Variants in ANKRD30BL observed in about 807,000 individuals in gnomAD.
ANKRD30BL encodes ankyrin repeat domain 30B like, also known as putative ankyrin repeat domain-containing protein 30B-like.
ANKRD30BL carries 20 observed loss-of-function variants against 18.4 expected under a neutral mutation model. The ratio of observed to expected loss-of-function variants is 1.09; its 90% CI spans 0.77 to 1.58. The LOEUF is 1.58. ANKRD30BL is among the 40% of genes most tolerant of loss of function. The probability of loss-of-function intolerance (pLI) is 0.00; values close to 1 mark genes in which losing one functional copy is unlikely to be tolerated. For missense variants in ANKRD30BL, 224 were observed against 268.6 expected, an observed-to-expected ratio of 0.83 and a Z score of 1.16; for synonymous variants, 72 against 100.9, an observed-to-expected ratio of 0.71 and a Z score of 1.72.
chr2:132,179,291 CTTT>C (rs61427674), intron 1 of ANKRD30BL, among the ~76,000 whole-genome samples: 3 of 138,832 alleles, frequency 2.2e-5, no homozygotes. Context: ...TTCTTTTTAT[CTTT>C]TTTTTTTTTT....
At chr2:132,222,832 TAAAAAAA>T (rs71001178) in intron 1 of ANKRD30BL, among the ~76,000 whole-genome samples, 12 of 52,810 alleles carry the variant, frequency 2.3e-4, no homozygotes, top group East Asian at 1.1e-3. Context: ...GAATGATCAA[TAAAAAAA>T]AAAAAAAAAA....
At chr2:132,158,372 T>C (rs1687968202) in intron 1 of ANKRD30BL, among the ~76,000 whole-genome samples, 1 of 152,070 alleles carries the variant, frequency 6.6e-6, no homozygotes, top group African/African-American at 2.4e-5. Flanking sequence ...AGAATGCATG[T>C]AAATTAGGTA....
intron 1 of ANKRD30BL, among the ~76,000 whole-genome samples, chr2:132,229,910 C>A (rs892817342): frequency 6.6e-6 from 1 of 151,986 alleles, no homozygotes; most frequent in African/African-American, 2.4e-5. Flanking sequence ...TTCGCAGTAT[C>A]TGCAAGTGGA....
intron 1 of ANKRD30BL, among the ~76,000 whole-genome samples, chr2:132,191,674 C>A (rs1237242451): frequency 3.3e-5 from 5 of 151,502 alleles, no homozygotes; most frequent in Non-Finnish European, 7.4e-5. Flanking sequence ...TGGTTATTGT[C>A]ATCTACTCAA....
chr2:132,250,747 T>G (rs1241899268), intron 1 of ANKRD30BL, among the ~76,000 whole-genome samples: 3 of 152,212 alleles, frequency 2.0e-5, no homozygotes, highest in Non-Finnish European at 2.9e-5. Flanking sequence ...ACTGAACTAC[T>G]TATGTTTCTG....
chr2:132,234,352 G>A (rs1680096172), intron 1 of ANKRD30BL, among the ~76,000 whole-genome samples: 2 of 152,090 alleles, frequency 1.3e-5, no homozygotes, highest in East Asian at 1.9e-4. Context: ...AGAACTGAAG[G>A]AAATAGAGAC....
chr2:132,178,858 A>T (rs1318024892), intron 1 of ANKRD30BL, among the ~76,000 whole-genome samples: 3 of 152,048 alleles, frequency 2.0e-5, no homozygotes, highest in Admixed American at 1.3e-4. Context: ...GATGGGAATC[A>T]GTGACTAATT....
At chr2:132,163,010 C>T (rs1436718844), upstream of ANKRD30BL, among the ~76,000 whole-genome samples, 2 of 152,220 alleles carry the variant, frequency 1.3e-5, no homozygotes, top group South Asian at 2.1e-4. Flanking sequence ...ATCCCTTCCT[C>T]GTTGACCAGC....
At chr2:132,181,142 T>C (rs564393346) in intron 1 of ANKRD30BL, among the ~76,000 whole-genome samples, 2 of 151,520 alleles carry the variant, frequency 1.3e-5, no homozygotes, top group South Asian at 4.2e-4. Context: ...AGACTCCGTC[T>C]CAAAAAAAGA....
At chr2:132,177,342 CAG>C (rs1258248538) in intron 1 of ANKRD30BL, among the ~76,000 whole-genome samples, 1 of 152,084 alleles carries the variant, frequency 6.6e-6, no homozygotes, top group Non-Finnish European at 1.5e-5. Context: ...TTAGTAGAGA[CAG>C]AGTTTCACCA....
chr2:132,202,561 C>A (rs1679129331), intron 1 of ANKRD30BL, among the ~76,000 whole-genome samples: 1 of 151,588 alleles, frequency 6.6e-6, no homozygotes, highest in African/African-American at 2.4e-5. Flanking sequence ...TGAAAATTCT[C>A]ACTGATATAA....
At chr2:132,215,311 C>T (rs1679469257) in intron 1 of ANKRD30BL, among the ~76,000 whole-genome samples, 2 of 152,128 alleles carry the variant, frequency 1.3e-5, no homozygotes, top group Admixed American at 1.3e-4. Context: ...TGTAAGGGGA[C>T]ATGCGGAGCT....
intron 1 of ANKRD30BL, among the ~76,000 whole-genome samples, chr2:132,173,230 C>T (rs1474805702): frequency 6.6e-6 from 1 of 151,258 alleles, no homozygotes; most frequent in Non-Finnish European, 1.5e-5. Context: ...GTTAAGGGCC[C>T]AAACTTTATA....
chr2:132,187,922 C>A (rs1421175742), intron 1 of ANKRD30BL, among the ~76,000 whole-genome samples: 1 of 152,026 alleles, frequency 6.6e-6, no homozygotes, highest in Non-Finnish European at 1.5e-5. Context: ...CCATGCCCAG[C>A]TAATTTCTGT....
intron 4 of ANKRD30BL, chr2:132,153,654 T>G: frequency 8.0e-7 from 1 of 1,243,104 alleles, no homozygotes; most frequent in African/African-American, 1.5e-5. Context: ...TTGCCAACTA[T>G]CTCTGATGAT....
chr2:132,189,376 ATTTTATTCACT>A (rs1347797928), intron 1 of ANKRD30BL, among the ~76,000 whole-genome samples: 1 of 152,136 alleles, frequency 6.6e-6, no homozygotes, highest in Admixed American at 6.6e-5. Context: ...TGACACAGAG[ATTTTATTCACT>A]TTTTAAAATA....
chr2:132,220,801 A>T (rs958519090), intron 1 of ANKRD30BL, among the ~76,000 whole-genome samples: 5 of 151,382 alleles, frequency 3.3e-5, no homozygotes, highest in Admixed American at 2.6e-4. Context: ...CTGGGAAGTG[A>T]GGAGCGTCTC....
At chr2:132,200,578 G>A (rs1048875670) in intron 1 of ANKRD30BL, among the ~76,000 whole-genome samples, 39 of 152,190 alleles carry the variant, frequency 2.6e-4, no homozygotes, top group South Asian at 6.2e-4. Flanking sequence ...CTAGGAATCG[G>A]ACTTACAAGG....
In ANKRD30BL at chr2:132,187,165, GTTTTTTGTTTTTTTTTTTGTTTGTTTTTT is replaced by G. The variant is rs1334793463; in HGVS notation, n.442-30048_442-30020del. On this transcript the variant is annotated intron_variant and non_coding_transcript_variant, in intron 1 of 4. Transcript: ENST00000470729. ...GTAATCTAATCATGCATCGTAGGAA[GTTTTTTGTTTTTTTTTTTGTTTGTTTTTT>G]TTTTTTTTTTTTTTTGAGAGACAGA... is the stretch of plus-strand genomic sequence containing the variant. 2.5e-3 allele frequency among the ~76,000 whole-genome samples: 308 copies of G among 122,316 alleles called. 1 individual carries two copies. The highest frequency in any genetic ancestry group is 9.6e-3 in the African/African-American group (296 of 30,690). 80.2% of individuals were successfully genotyped at this position (122,316 alleles called of 152,430 possible).
Sources: gnomAD v4.1 joint callset for allele counts (sites outside exome capture counted in the v4.1 genomes callset) on GRCh38, gnomAD v4.1.1 for gene constraint, MANE v1.5 for transcripts, NCBI Gene and HGNC (gene_info 2026-07-23, HGNC 2026-07-21) for gene names.